SDCCAG8: variants seen among roughly 807,000 people sequenced by gnomAD.
SDCCAG8 encodes the protein SHH signaling and ciliogenesis regulator SDCCAG8, also known as serologically defined colon cancer antigen 8.
In SDCCAG8, 74 loss-of-function variants were observed where a neutral mutation model predicts 101.8. The ratio of observed to expected loss-of-function variants is 0.73; its 90% CI spans 0.60 to 0.88. The LOEUF is 0.88. Among genes scored for constraint, SDCCAG8 ranks in the 40% least tolerant of loss-of-function variants. The pLI is 0.00. For missense variants in SDCCAG8, 787 were observed against 822.6 expected, an observed-to-expected ratio of 0.96 and a Z score of 0.53; for synonymous variants, 281 against 292.9, an observed-to-expected ratio of 0.96 and a Z score of 0.41.
At chr1:243,288,422 C>T (rs1456531785) in intron 5 of SDCCAG8, among the ~76,000 whole-genome samples, 8 of 151,828 alleles carry the variant, frequency 5.3e-5, no homozygotes, top group Admixed American at 3.9e-4. Context: ...GCCCTGATCA[C>T]GCCACTGCAC....
chr1:243,312,184 A>G (rs559118585), intron 8 of SDCCAG8, among the ~76,000 whole-genome samples: 1 of 152,340 alleles, frequency 6.6e-6, no homozygotes, highest in South Asian at 2.1e-4. Context: ...AAGAGTGTCC[A>G]GCACCTTTTG....
chr1:243,475,954 A>G, intron 16 of SDCCAG8: 4 of 985,398 alleles, frequency 4.1e-6, no homozygotes, highest in Non-Finnish European at 4.8e-6. Context: ...GGCAGGCTCC[A>G]TCTCGTCTGC....
At chr1:243,489,367 C>T (rs953508209) in intron 17 of SDCCAG8, among the ~76,000 whole-genome samples, 3 of 152,200 alleles carry the variant, frequency 2.0e-5, no homozygotes, top group Non-Finnish European at 4.4e-5. Flanking sequence ...CAGACCCCGG[C>T]CCGCGAATCA....
chr1:243,383,894 T>G (rs1419713733), intron 13 of SDCCAG8, among the ~76,000 whole-genome samples: 1 of 152,170 alleles, frequency 6.6e-6, no homozygotes, highest in East Asian at 1.9e-4. Flanking sequence ...TCCCTCCATT[T>G]GCTGTTCTCT....
chr1:243,360,590 G>A (rs1268982953), intron 12 of SDCCAG8, among the ~76,000 whole-genome samples: 2 of 152,022 alleles, frequency 1.3e-5, no homozygotes, highest in African/African-American at 2.4e-5. Context: ...TTGGGAGGCC[G>A]AGGCAGGTGA....
In SDCCAG8 at chr1:243,293,159, A is replaced by C. The variant is rs1242707431; in HGVS notation, c.615A>C (p.Pro205=). The change falls in exon 6 of 18, where the codon CCA becomes CCC. Residue 205 remains proline (P), a synonymous_variant. Transcript: ENST00000366541. The part of the protein sequence containing the change: ...DSGVGETSKR[P]FSHDNADFGK... The stretch of plus-strand genomic sequence containing the variant: ...GGGTGGGCGAAACCTCCAAAAGACC[A>C]TTTTCCCATGACAATGCAGATTTTG... 1.2e-6 allele frequency: 2 copies of C among 1,613,948 alleles called. No homozygotes were observed. The highest frequency in any genetic ancestry group is 1.7e-6 in the Non-Finnish European group (2 of 1,179,998).
At chr1:243,266,327 T>C (rs549928604) in intron 1 of SDCCAG8, among the ~76,000 whole-genome samples, 83 of 151,988 alleles carry the variant, frequency 5.5e-4, no homozygotes, top group African/African-American at 1.7e-3. Context: ...TTTTCTTTTT[T>C]TTTTTTTATG....
chr1:243,343,334 T>C (rs577048260), intron 11 of SDCCAG8, among the ~76,000 whole-genome samples: 4 of 152,350 alleles, frequency 2.6e-5, no homozygotes, highest in Non-Finnish European at 4.4e-5. Flanking sequence ...AATTGAACTT[T>C]CTATAGGTTC....
At chr1:243,353,803 T>C (rs1041776784) in intron 12 of SDCCAG8, among the ~76,000 whole-genome samples, 1 of 152,162 alleles carries the variant, frequency 6.6e-6, no homozygotes, top group Non-Finnish European at 1.5e-5. Flanking sequence ...GGCACAGAAG[T>C]CATGGTATCG....
chr1:243,307,674 T>A, intron 7 of SDCCAG8: 1 of 1,228,512 alleles, frequency 8.1e-7, no homozygotes, highest in Non-Finnish European at 1.0e-6. Flanking sequence ...GTTTTGTGGT[T>A]AATATAACAT....
intron 12 of SDCCAG8, among the ~76,000 whole-genome samples, chr1:243,352,453 C>A (rs980185102): frequency 1.5e-4 from 23 of 152,176 alleles, no homozygotes; most frequent in African/African-American, 5.3e-4. Flanking sequence ...AGTTGACTTA[C>A]CAGCCAACTG....
chr1:243,266,774 T>TGCAAAAAA, intron 1 of SDCCAG8, among the ~76,000 whole-genome samples: 1 of 22,126 alleles, frequency 4.5e-5, no homozygotes, highest in Non-Finnish European at 1.3e-4. Flanking sequence ...CTATTATAAA[T>TGCAAAAAA]ACAAAAAAAA....
intron 13 of SDCCAG8, among the ~76,000 whole-genome samples, chr1:243,390,514 G>A (rs1281842882): frequency 6.6e-6 from 1 of 152,222 alleles, no homozygotes; most frequent in African/African-American, 2.4e-5. Flanking sequence ...GGGCGGGAGA[G>A]GTTCGAAAGT....
chr1:243,464,182 T>A (rs1659688700), intron 16 of SDCCAG8, among the ~76,000 whole-genome samples: 1 of 152,156 alleles, frequency 6.6e-6, no homozygotes, highest in South Asian at 2.1e-4. Context: ...GTGGCATTGG[T>A]GGTGCTTTTT....
chr1:243,395,896 A>C (rs187093983), intron 13 of SDCCAG8, among the ~76,000 whole-genome samples: 227 of 152,198 alleles, frequency 1.5e-3, no homozygotes, highest in Non-Finnish European at 2.7e-3. Flanking sequence ...AAAAATTTAG[A>C]AAATTTTACA....
intron 4 of SDCCAG8, among the ~76,000 whole-genome samples, chr1:243,277,442 C>T (rs1354623905): frequency 1.3e-5 from 2 of 152,332 alleles, no homozygotes; most frequent in South Asian, 2.1e-4. Flanking sequence ...TATGTAACAT[C>T]TTTGAGTGAG....
intron 17 of SDCCAG8, among the ~76,000 whole-genome samples, chr1:243,497,901 C>T (rs905828714): frequency 1.2e-4 from 19 of 152,130 alleles, no homozygotes; most frequent in Non-Finnish European, 2.2e-4. Context: ...AGGCTGGTCT[C>T]GAACTCCTGG....
At chr1:243,402,734 A>T (rs1453297002) in intron 13 of SDCCAG8, among the ~76,000 whole-genome samples, 2 of 152,210 alleles carry the variant, frequency 1.3e-5, no homozygotes, top group African/African-American at 4.8e-5. Context: ...TTAGATTCTC[A>T]TGAGCTTAAA....
intron 16 of SDCCAG8, among the ~76,000 whole-genome samples, chr1:243,486,934 C>CTAT (rs1665033564): frequency 6.6e-6 from 1 of 151,900 alleles, no homozygotes; most frequent in Non-Finnish European, 1.5e-5. Flanking sequence ...CACGGGGCTA[C>CTAT]CTCAGTTGCT....
Sources: allele counts gnomAD v4.1 joint callset (sites outside exome capture counted in the v4.1 genomes callset), GRCh38; gene constraint gnomAD v4.1.1; transcripts MANE v1.5; gene names NCBI Gene and HGNC (gene_info 2026-07-23, HGNC 2026-07-21).